SDK1: variants seen among roughly 807,000 people sequenced by gnomAD.
The protein encoded by SDK1 is sidekick cell adhesion molecule 1.
Under a neutral mutation model 245.5 loss-of-function variants are expected in SDK1, and 157 were observed. That is an observed-to-expected ratio of 0.64 (90% CI 0.56 to 0.73). The LOEUF is 0.73. Ranked by LOEUF, SDK1 falls within the 30% of genes least tolerant of loss-of-function variation. The pLI is 0.00. For synonymous variants in SDK1, 1,647 were observed against 1,278.5 expected (o/e 1.29, Z -6.15); for missense variants, 3,583 against 3,002.3 (o/e 1.19, Z -4.52).
intron 1 of SDK1, among the ~76,000 whole-genome samples, chr7:3,611,697 C>G (rs1157724438): frequency 6.6e-6 from 1 of 152,132 alleles, no homozygotes; most frequent in African/African-American, 2.4e-5. Context: ...CACCACGTCC[C>G]TGCCAACATC....
At chr7:3,551,984 G>A (rs994876266) in intron 1 of SDK1, among the ~76,000 whole-genome samples, 3 of 152,134 alleles carry the variant, frequency 2.0e-5, no homozygotes, top group East Asian at 1.9e-4. Flanking sequence ...GGCCTGGGTC[G>A]TTCGGGTTGT....
chr7:3,646,695 C>G (rs910447221), intron 4 of SDK1, among the ~76,000 whole-genome samples: 30 of 152,052 alleles, frequency 2.0e-4, no homozygotes, highest in Middle Eastern at 3.4e-3. Flanking sequence ...TTGCTCTAGT[C>G]TTTCTCATCA....
chr7:4,075,403 T>C (rs1584036271), intron 20 of SDK1, among the ~76,000 whole-genome samples: 1 of 152,206 alleles, frequency 6.6e-6, no homozygotes, highest in Non-Finnish European at 1.5e-5. Flanking sequence ...GTGCAACTCC[T>C]AGCTTTATTT....
chr7:4,172,231 T>C (rs2128216785), intron 32 of SDK1, among the ~76,000 whole-genome samples: 1 of 152,340 alleles, frequency 6.6e-6, no homozygotes, highest in Non-Finnish European at 1.5e-5. Flanking sequence ...TGCATGGCAG[T>C]GGCCTGGGGG....
intron 1 of SDK1, among the ~76,000 whole-genome samples, chr7:3,412,979 A>G (rs980402779): frequency 1.3e-5 from 2 of 152,208 alleles, no homozygotes; most frequent in Admixed American, 6.5e-5. Context: ...TGGAGTTTAT[A>G]TTCTGGTAAA....
At chr7:3,589,755 G>A (rs938494503) in intron 1 of SDK1, among the ~76,000 whole-genome samples, 3 of 152,170 alleles carry the variant, frequency 2.0e-5, no homozygotes, top group Non-Finnish European at 2.9e-5. Flanking sequence ...TGATTCGATT[G>A]CCTCCCACTG....
At chr7:3,506,899 C>G (rs1390126376) in intron 1 of SDK1, among the ~76,000 whole-genome samples, 1 of 151,804 alleles carries the variant, frequency 6.6e-6, no homozygotes, top group East Asian at 1.9e-4. Context: ...ATTCCATCAT[C>G]TCTATCATTG....
chr7:3,434,320 T>C (rs2128585626), intron 1 of SDK1, among the ~76,000 whole-genome samples: 1 of 152,304 alleles, frequency 6.6e-6, no homozygotes, highest in African/African-American at 2.4e-5. Context: ...GTAAGAGAAT[T>C]TCCACCTTGT....
intron 35 of SDK1, among the ~76,000 whole-genome samples, chr7:4,204,205 C>T (rs1432001683): frequency 6.6e-6 from 1 of 152,178 alleles, no homozygotes; most frequent in Non-Finnish European, 1.5e-5. Context: ...ATGGAGTTGC[C>T]GATGGCAAAC....
At chr7:3,905,973 A>T (rs1778899754) in intron 5 of SDK1, among the ~76,000 whole-genome samples, 1 of 151,688 alleles carries the variant, frequency 6.6e-6, no homozygotes, top group African/African-American at 2.4e-5. Context: ...TCTTTTTTTC[A>T]CTTGTTTTGG....
intron 2 of SDK1, among the ~76,000 whole-genome samples, chr7:3,636,176 C>A (rs1196385816): frequency 6.6e-6 from 1 of 152,176 alleles, no homozygotes; most frequent in Non-Finnish European, 1.5e-5. Context: ...TCTCCATCAC[C>A]TCCAGAAGTT....
At chr7:3,613,424 G>A (rs572924010) in intron 1 of SDK1, among the ~76,000 whole-genome samples, 1 of 152,264 alleles carries the variant, frequency 6.6e-6, no homozygotes, top group Non-Finnish European at 1.5e-5. Flanking sequence ...TTATGATGTT[G>A]TGTAAGCCTT....
At chr7:3,786,851 C>T (rs982995419) in intron 4 of SDK1, among the ~76,000 whole-genome samples, 1 of 152,044 alleles carries the variant, frequency 6.6e-6, no homozygotes, top group Admixed American at 6.6e-5. Context: ...CCCTACAACT[C>T]CCTTTGGCTC....
intron 15 of SDK1, 109 bp from the exon 16 acceptor site, chr7:4,011,986 T>A: frequency 9.8e-7 from 1 of 1,019,042 alleles, no homozygotes; most frequent in Non-Finnish European, 1.3e-6. Flanking sequence ...TGAAACCCGA[T>A]TTTTGTGAAT....
chr7:4,220,992 C>T (rs1410551682), intron 39 of SDK1, among the ~76,000 whole-genome samples: 1 of 151,530 alleles, frequency 6.6e-6, no homozygotes, highest in East Asian at 1.9e-4. Flanking sequence ...GCAATGTTGC[C>T]CAAACTCCTG....
intron 4 of SDK1, among the ~76,000 whole-genome samples, chr7:3,670,045 A>T (rs775970451): frequency 6.6e-6 from 1 of 152,090 alleles, no homozygotes; most frequent in Non-Finnish European, 1.5e-5. Context: ...TTATCCCACA[A>T]ATCTACTCAC....
intron 1 of SDK1, among the ~76,000 whole-genome samples, chr7:3,402,181 A>T (rs189659296): frequency 6.6e-6 from 1 of 152,204 alleles, no homozygotes. Context: ...GTGGCTCAGT[A>T]TCCTGCACTC....
At chr7:3,366,396 A>AT (rs1781092425) in intron 1 of SDK1, among the ~76,000 whole-genome samples, 1 of 151,368 alleles carries the variant, frequency 6.6e-6, no homozygotes, top group Non-Finnish European at 1.5e-5. Context: ...TTACTCCATT[A>AT]TAGCACATAG....
chr7:3,445,015 G>C (rs1047118303), intron 1 of SDK1, among the ~76,000 whole-genome samples: 2 of 152,060 alleles, frequency 1.3e-5, no homozygotes, highest in Non-Finnish European at 2.9e-5. Flanking sequence ...AGAGTCAGTA[G>C]GCATATTTGT....
Sources: allele counts gnomAD v4.1 joint callset (sites outside exome capture counted in the v4.1 genomes callset), GRCh38; gene constraint gnomAD v4.1.1; transcripts MANE v1.5; gene names NCBI Gene and HGNC (gene_info 2026-07-23, HGNC 2026-07-21).